DTNA: variants seen among roughly 807,000 people sequenced by gnomAD.
The protein encoded by DTNA is dystrobrevin alpha.
In DTNA, 43 loss-of-function variants were observed where a neutral mutation model predicts 100.7. That is an observed-to-expected ratio of 0.43 (90% CI 0.33 to 0.55). The LOEUF is 0.55. Ranked by LOEUF, DTNA falls within the 20% of genes least tolerant of loss-of-function variation. The pLI, the probability that DTNA is intolerant of heterozygous loss-of-function variation, is 0.04. For synonymous variants in DTNA, 349 were observed against 347.9 expected (o/e 1.00, Z -0.04); for missense variants, 798 against 953.9 (o/e 0.84, Z 2.15).
chr18:34,592,313 C>T (rs998482238), intron 1 of DTNA, among the ~76,000 whole-genome samples: 1 of 151,998 alleles, frequency 6.6e-6, no homozygotes, highest in Non-Finnish European at 1.5e-5. Flanking sequence ...CCCCAGTGAC[C>T]ACTAAATATT....
intron 5 of DTNA, among the ~76,000 whole-genome samples, chr18:34,808,681 C>T (rs114082218): frequency 0.12 from 18,684 of 152,058 alleles, 1,221 homozygotes; most frequent in African/African-American, 0.17. Flanking sequence ...CTCTCTTGGG[C>T]CCAGGAGTTC....
chr18:34,827,558 T>G, intron 9 of DTNA, 35 bp from the exon 10 acceptor site: 1 of 1,605,336 alleles, frequency 6.2e-7, no homozygotes, highest in Non-Finnish European at 8.5e-7. Context: ...CTTTTATTTG[T>G]TTTAACTTTC....
At position 34,875,261 on chromosome 18, in the gene DTNA, G is replaced by C. The variant is rs200246467; in HGVS notation, c.1766G>C (p.Arg589Pro). Reference sequence around the variant, plus strand: ...CAGACTCAGGGGGCAGGCTCTCCCCGCTCCTCCCCCAGCCACACCATCAGC... The same window carrying C: ...CAGACTCAGGGGGCAGGCTCTCCCCCCTCCTCCCCCAGCCACACCATCAGC... ...LLKTQGAGSP[R>P]SSPSHTISRP... Residue 589 changes from arginine (R) to proline (P), a missense_variant, in exon 18 of 23, where the codon CGC (arginine) becomes CCC (proline). Coordinates refer to ENST00000444659, the MANE Select transcript of DTNA (RefSeq NM_001386795.1). The C allele has an allele frequency of 6.2e-7, 1 of 1,613,908 alleles. No homozygotes were observed.
intron 1 of DTNA, among the ~76,000 whole-genome samples, chr18:34,566,878 A>G (rs1388867976): frequency 6.6e-6 from 1 of 152,226 alleles, no homozygotes; most frequent in East Asian, 1.9e-4. Context: ...TTAAAACTGC[A>G]TTATACTTTG....
intron 3 of DTNA, among the ~76,000 whole-genome samples, chr18:34,770,081 T>A (rs1379376442): frequency 6.6e-6 from 1 of 152,086 alleles, no homozygotes; most frequent in African/African-American, 2.4e-5. Flanking sequence ...CAAGTCCTGA[T>A]CACCTGCTAA....
At chr18:34,887,647 G>A in intron 22 of DTNA, 119 bp from the exon 23 acceptor site, 1 of 686,810 alleles carries the variant, frequency 1.5e-6, no homozygotes, top group Non-Finnish European at 1.8e-6. Flanking sequence ...GTGCATGTGT[G>A]TGTGTGTGTG....
chr18:34,889,629 G>A lies in DTNA; in HGVS notation c.*1895G>A, dbSNP rs1272786671. ...GCGGCTGTACGATGTTCACATGTCTGCGTTTGGTCAGACATCATCTCCTTG... is the reference window on the plus strand; with the variant it reads ...GCGGCTGTACGATGTTCACATGTCTACGTTTGGTCAGACATCATCTCCTTG... On this transcript the variant is annotated 3_prime_UTR_variant, in exon 23 of 23. Coordinates refer to ENST00000444659, the MANE Select transcript of DTNA (RefSeq NM_001386795.1). 2 of 985,436 alleles carry A rather than the reference G, an allele frequency of 2.0e-6. No individual in the cohort carries two copies. Among genetic ancestry groups the A allele is most frequent in the Non-Finnish European group, 2.4e-6 (2 of 829,944 alleles). The allele number at this position is 985,436 out of a possible 1,614,324, so 61.0% of individuals were successfully genotyped here.
Position 34,820,903 on chromosome 18 carries a change from T to G in DTNA, c.989T>G (p.Leu330Trp), listed in dbSNP as rs763912093. Reference protein sequence around the residue: ...FPDQPEKPLNLAHIVPPRPVT... With the variant: ...FPDQPEKPLNWAHIVPPRPVT... ...GATCAGCCTGAGAAGCCACTCAACT[T>G]GGCTCACATCGTGTGAGTATCCCTA... Residue 330 changes from leucine to tryptophan, a missense_variant, in exon 9 of 23, where the codon TTG becomes TGG. Coordinates refer to ENST00000444659, the MANE Select transcript of DTNA (RefSeq NM_001386795.1). 6.2e-7 allele frequency: 1 copy of G among 1,614,078 alleles called. No individual in the cohort carries two copies. The highest frequency in any genetic ancestry group is 1.7e-5 in the Admixed American group (1 of 60,022).
Position 34,570,701 on chromosome 18 carries a change from T to C in DTNA, c.-2+77187T>C, listed in dbSNP as rs1394430265. On this transcript the variant is annotated intron_variant, in intron 1 of 19. Transcript: ENST00000283365. Reference sequence around the variant, plus strand: ...GTTATAAATCACAAAATACTGGTGGTAGGATCAGACATCAGCAGTTTTTAA... The same window carrying C: ...GTTATAAATCACAAAATACTGGTGGCAGGATCAGACATCAGCAGTTTTTAA... Among the ~76,000 whole-genome samples the C allele has an allele frequency of 3.9e-5, 6 of 152,326 alleles. No homozygotes were observed. In the East Asian group the frequency reaches 9.6e-4, roughly 24 times the overall value.
At chr18:34,714,064 C>T (rs1175972820) in intron 1 of DTNA, among the ~76,000 whole-genome samples, 1 of 151,622 alleles carries the variant, frequency 6.6e-6, no homozygotes, top group South Asian at 2.1e-4. Context: ...TTCCTTACAC[C>T]TTATACAAAA....
intron 3 of DTNA, among the ~76,000 whole-genome samples, chr18:34,790,125 C>CTCATTTGTCAAATG (rs2094652918): frequency 6.6e-6 from 1 of 152,172 alleles, no homozygotes; most frequent in African/African-American, 2.4e-5. Context: ...TTGTCATTCT[C>CTCATTTGTCAAATG]TCATTTAGTC....
chr18:34,699,093 T>C (rs1354431695), intron 1 of DTNA, among the ~76,000 whole-genome samples: 1 of 151,786 alleles, frequency 6.6e-6, no homozygotes, highest in African/African-American at 2.4e-5. Context: ...ATATGAATTT[T>C]TGAGGGACAC....
intron 1 of DTNA, among the ~76,000 whole-genome samples, chr18:34,557,130 G>A (rs538643164): frequency 0.064 from 9,371 of 145,472 alleles, 379 homozygotes; most frequent in African/African-American, 0.11. Flanking sequence ...ATCTTCCATT[G>A]CTGATACCCT....
chr18:34,697,293 C>G (rs1379138264), intron 1 of DTNA, among the ~76,000 whole-genome samples: 1 of 152,152 alleles, frequency 6.6e-6, no homozygotes, highest in Non-Finnish European at 1.5e-5. Flanking sequence ...AAGTAGTGGA[C>G]CCTGAATTCA....
At chr18:34,678,510 C>G (rs1171104143) in intron 1 of DTNA, among the ~76,000 whole-genome samples, 1 of 152,136 alleles carries the variant, frequency 6.6e-6, no homozygotes, top group African/African-American at 2.4e-5. Context: ...TTTACTGTGT[C>G]CCTCCTCCCC....
chr18:34,707,978 C>T (rs2082326479), upstream of DTNA, among the ~76,000 whole-genome samples: 1 of 152,176 alleles, frequency 6.6e-6, no homozygotes, highest in Non-Finnish European at 1.5e-5. Context: ...GCTTTTCTTT[C>T]TTACTTACTT....
intron 13 of DTNA, among the ~76,000 whole-genome samples, chr18:34,839,695 C>G (rs2149734737): frequency 6.6e-6 from 1 of 152,236 alleles, no homozygotes; most frequent in African/African-American, 2.4e-5. Context: ...AATTTTCTCT[C>G]AATTAAGGGC....
chr18:34,797,836 T>C (rs1343845183), intron 4 of DTNA, among the ~76,000 whole-genome samples: 5 of 152,176 alleles, frequency 3.3e-5, no homozygotes, highest in African/African-American at 1.2e-4. Context: ...TGTCTTATAG[T>C]GCATGTCTGA....
intron 1 of DTNA, among the ~76,000 whole-genome samples, chr18:34,584,692 A>T (rs533151516): frequency 6.6e-6 from 1 of 152,200 alleles, no homozygotes; most frequent in Non-Finnish European, 1.5e-5. Context: ...AATGAGTAAA[A>T]GTCCCTGAAT....
Sources: allele counts gnomAD v4.1 joint callset (sites outside exome capture counted in the v4.1 genomes callset), GRCh38; gene constraint gnomAD v4.1.1; transcripts MANE v1.5; gene names NCBI Gene and HGNC (gene_info 2026-07-23, HGNC 2026-07-21).